Variants in CCDC91 observed in about 807,000 individuals in gnomAD.
CCDC91 encodes the protein coiled-coil domain-containing protein 91.
CCDC91 carries 48 observed loss-of-function variants against 63.2 expected under a neutral mutation model. That is an observed-to-expected ratio of 0.76 (90% CI 0.60 to 0.97). The LOEUF is 0.97. CCDC91 is among the 50% of genes least tolerant of loss of function. The pLI is 0.00. For synonymous variants in CCDC91, 167 were observed against 165.8 expected (o/e 1.01, Z -0.06); for missense variants, 500 against 494.6 (o/e 1.01, Z -0.10).
At chr12:28,447,795 G>GGGGAAGGAAGGGGAGGGGAA (rs1949590640) in intron 8 of CCDC91, among the ~76,000 whole-genome samples, 1 of 28,748 alleles carries the variant, frequency 3.5e-5, no homozygotes, top group African/African-American at 1.2e-4. Flanking sequence ...GGGGAGGGGA[G>GGGGAAGGAAGGGGAGGGGAA]GGGAGGGGAG....
intron 6 of CCDC91, among the ~76,000 whole-genome samples, chr12:28,361,229 G>A (rs1442293304): frequency 1.3e-5 from 2 of 151,378 alleles, no homozygotes; most frequent in Non-Finnish European, 1.5e-5. Context: ...TGTGCACAAT[G>A]TGCAGGTTAG....
At chr12:28,414,704 T>G (rs1210858470) in intron 8 of CCDC91, among the ~76,000 whole-genome samples, 12 of 152,180 alleles carry the variant, frequency 7.9e-5, no homozygotes, top group African/African-American at 2.4e-4. Context: ...TTGTATTCAT[T>G]TAGAGGAAAA....
intron 3 of CCDC91, among the ~76,000 whole-genome samples, chr12:28,263,748 T>C (rs1946983629): frequency 6.6e-6 from 1 of 152,046 alleles, no homozygotes; most frequent in African/African-American, 2.4e-5. Context: ...TGACTGTGTT[T>C]TAAACCTGTT....
chr12:28,501,797 G>A (rs1287897579), intron 12 of CCDC91, among the ~76,000 whole-genome samples: 10 of 151,646 alleles, frequency 6.6e-5, no homozygotes, highest in Non-Finnish European at 1.3e-4. Flanking sequence ...GTTCCTCCTT[G>A]TACCTCTGGT....
At chr12:28,335,488 G>A (rs1941903498) in intron 6 of CCDC91, among the ~76,000 whole-genome samples, 1 of 150,022 alleles carries the variant, frequency 6.7e-6, no homozygotes, top group Non-Finnish European at 1.5e-5. Flanking sequence ...GCTTACTGCA[G>A]CCTCGACCTC....
At chr12:28,328,793 G>T (rs757632843) in intron 6 of CCDC91, among the ~76,000 whole-genome samples, 1 of 151,130 alleles carries the variant, frequency 6.6e-6, no homozygotes, top group Non-Finnish European at 1.5e-5. Context: ...AAACAGATGC[G>T]ATTTTTTTTT....
intron 6 of CCDC91, among the ~76,000 whole-genome samples, chr12:28,327,904 G>T (rs1941161418): frequency 6.6e-6 from 1 of 152,084 alleles, no homozygotes; most frequent in Non-Finnish European, 1.5e-5. Context: ...CTGACCTCAG[G>T]CATCCTGTTT....
rs1361151757 is a variant in CCDC91, at chr12:28,230,635, G to GT, written c.-14-26561dup. 2.6e-5 allele frequency among the ~76,000 whole-genome samples: 4 copies of GT among 152,090 alleles called. No homozygotes were observed. In the East Asian group the frequency reaches 7.7e-4, roughly 29 times the overall value. ...TTTTTTTAAAGAAATTATGCTTTTTGTTTTTTGGAGACAGGGTCTGGGTCT... is the reference window on the plus strand; with the variant it reads ...TTTTTTTAAAGAAATTATGCTTTTTGTTTTTTTGGAGACAGGGTCTGGGTCT... On this transcript the variant is annotated intron_variant, in intron 1 of 12. Coordinates refer to ENST00000536442, the MANE Select transcript of CCDC91 (RefSeq NM_018318.5).
chr12:28,453,426 A>G (rs1949910807), intron 11 of CCDC91, among the ~76,000 whole-genome samples: 1 of 152,054 alleles, frequency 6.6e-6, no homozygotes, highest in South Asian at 2.1e-4. Context: ...AGCTAAAATG[A>G]CTAACCTTTC....
intron 1 of CCDC91, among the ~76,000 whole-genome samples, chr12:28,215,995 AAGAG>A (rs1337378363): frequency 1.3e-5 from 2 of 152,146 alleles, no homozygotes; most frequent in Non-Finnish European, 2.9e-5. Flanking sequence ...TTAAATTAAA[AAGAG>A]AGGAGAAACC....
chr12:28,325,234 A>G (rs1228944350), intron 6 of CCDC91, among the ~76,000 whole-genome samples: 1 of 152,064 alleles, frequency 6.6e-6, no homozygotes, highest in Non-Finnish European at 1.5e-5. Context: ...TATTAACTAA[A>G]ATTAATAGAT....
chr12:28,402,948 A>T (rs925908212), intron 8 of CCDC91, among the ~76,000 whole-genome samples: 8 of 152,190 alleles, frequency 5.3e-5, no homozygotes, highest in Non-Finnish European at 1.0e-4. Flanking sequence ...GTTACATTAA[A>T]TGATTTTTAA....
At chr12:28,323,447 C>T (rs1353797593) in intron 6 of CCDC91, among the ~76,000 whole-genome samples, 1 of 151,752 alleles carries the variant, frequency 6.6e-6, no homozygotes, top group Admixed American at 6.6e-5. Flanking sequence ...TCCATATATA[C>T]TTAGATATAT....
In CCDC91 at chr12:28,376,048, G is replaced by A. The variant is rs1445822699; in HGVS notation, c.654+13533G>A. 4.6e-5 allele frequency among the ~76,000 whole-genome samples: 7 copies of A among 151,862 alleles called. No individual in the cohort carries two copies. The South Asian group carries it at 1.5e-3, about 31-fold the overall frequency. ...GCTTTTTAAAAATGCATATGCCAAG[G>A]AGTTTTCTTTCCTGGAAATTCTGAA... On this transcript the variant is annotated intron_variant, in intron 7 of 12. Coordinates refer to ENST00000536442, the MANE Select transcript of CCDC91 (RefSeq NM_018318.5).
At chr12:28,224,171 A>G (rs1260130082) in intron 1 of CCDC91, among the ~76,000 whole-genome samples, 5 of 152,052 alleles carry the variant, frequency 3.3e-5, no homozygotes, top group African/African-American at 9.7e-5. Context: ...TTCATTATTA[A>G]TAATTTTGAG....
intron 12 of CCDC91, among the ~76,000 whole-genome samples, chr12:28,521,275 A>G (rs1185968433): frequency 1.3e-5 from 2 of 152,088 alleles, no homozygotes; most frequent in African/African-American, 4.8e-5. Flanking sequence ...TTCTCCTTGA[A>G]GAGGTCCTTC....
At chr12:28,348,112 G>A (rs1279847502) in intron 6 of CCDC91, among the ~76,000 whole-genome samples, 1 of 152,154 alleles carries the variant, frequency 6.6e-6, no homozygotes, top group Non-Finnish European at 1.5e-5. Flanking sequence ...TGTGTTCCTT[G>A]GTGTGAAGAA....
At chr12:28,446,886 C>G (rs1455951139) in intron 8 of CCDC91, among the ~76,000 whole-genome samples, 2 of 152,136 alleles carry the variant, frequency 1.3e-5, no homozygotes, top group Non-Finnish European at 2.9e-5. Flanking sequence ...GTAGCAGATA[C>G]AAAGTATTTC....
At chr12:28,483,050 G>A (rs1951532494) in intron 11 of CCDC91, among the ~76,000 whole-genome samples, 1 of 151,856 alleles carries the variant, frequency 6.6e-6, no homozygotes, top group African/African-American at 2.4e-5. Flanking sequence ...ATATATATGT[G>A]TGTCTTTCTT....
Sources: gnomAD v4.1 joint callset for allele counts (sites outside exome capture counted in the v4.1 genomes callset) on GRCh38, gnomAD v4.1.1 for gene constraint, MANE v1.5 for transcripts, NCBI Gene and HGNC (gene_info 2026-07-23, HGNC 2026-07-21) for gene names.